The following KDM4C variants were observed in gnomAD, a reference collection of about 807,000 sequenced individuals.
KDM4C encodes lysine-specific demethylase 4C.
KDM4C carries 81 observed loss-of-function variants against 129.3 expected under a neutral mutation model. The observed-to-expected ratio is 0.63, with a 90% CI of 0.52 to 0.75. KDM4C has a LOEUF of 0.75. KDM4C is among the 30% of genes least tolerant of loss of function. The pLI is 0.00. For missense variants in KDM4C, 1,457 were observed against 1,304.0 expected (o/e 1.12, Z -1.81); for synonymous variants, 573 against 456.1 (o/e 1.26, Z -3.26).
intron 17 of KDM4C, among the ~76,000 whole-genome samples, chr9:7,052,810 T>A (rs1452491405): frequency 6.8e-6 from 1 of 147,234 alleles, no homozygotes; most frequent in East Asian, 2.1e-4. Flanking sequence ...TATGTTGCTC[T>A]TAAACTACCA....
Position 6,849,610 on chromosome 9 carries a change from T to C in KDM4C, c.539T>C (p.Phe180Ser). ...IEGVNTPYLY[F>S]GMWKTTFAWH... ...GGTGTAAATACCCCATATCTCTATT[T>C]TGGCATGTGGAAGACCACGTTTGCA... The change falls in exon 5 of 22, where the codon TTT becomes TCT. Residue 180 changes from phenylalanine (F) to serine (S), a missense_variant. Physicochemically the swap from Phe to Ser is radical, Grantham distance 155. Transcript: ENST00000381309. 6.2e-7 allele frequency: 1 copy of C among 1,614,090 alleles called. No homozygotes were observed. Among genetic ancestry groups the C allele is most frequent in the Non-Finnish European group, 8.5e-7 (1 of 1,179,950 alleles).
In KDM4C at chr9:6,990,453, G is replaced by A. The variant is rs774865352; in HGVS notation, c.1715G>A (p.Arg572His). 2 of 1,613,100 alleles carry A rather than the reference G, an allele frequency of 1.2e-6. No homozygotes were observed. The highest frequency in any genetic ancestry group is 1.1e-5 in the South Asian group (1 of 91,034). Residue 572 changes from arginine to histidine, a missense_variant, in exon 12 of 22, where the codon CGC (arginine) becomes CAC (histidine). Arg to His is a conservative substitution (Grantham distance 29). Coordinates refer to ENST00000381309, the MANE Select transcript of KDM4C (RefSeq NM_015061.6). Reference sequence around the variant, plus strand: ...GAGAACAAAACCTCTAAGAGTTGGCGCCATCCACTTAGCAGGCCTCCAGCA... The same window carrying A: ...GAGAACAAAACCTCTAAGAGTTGGCACCATCCACTTAGCAGGCCTCCAGCA... ...EGENKTSKSW[R>H]HPLSRPPARS...
intron 17 of KDM4C, among the ~76,000 whole-genome samples, chr9:7,090,278 A>C (rs1315269446): frequency 1.3e-5 from 2 of 152,232 alleles, no homozygotes; most frequent in Non-Finnish European, 2.9e-5. Context: ...CATTTTTGAC[A>C]GTAGCTTGTA....
intron 17 of KDM4C, among the ~76,000 whole-genome samples, chr9:7,093,516 C>G (rs1170170530): frequency 6.6e-6 from 1 of 152,128 alleles, no homozygotes; most frequent in Non-Finnish European, 1.5e-5. Context: ...ATTCATGTAA[C>G]TTATAATCCA....
At chr9:6,730,484 G>A (rs1221395057) in intron 1 of KDM4C, among the ~76,000 whole-genome samples, 5 of 151,834 alleles carry the variant, frequency 3.3e-5, no homozygotes, top group African/African-American at 9.7e-5. Context: ...GCGTGGTGGC[G>A]GGCACCCCTA....
chr9:6,852,063 A>G (rs1162335341), intron 5 of KDM4C, among the ~76,000 whole-genome samples: 1 of 152,200 alleles, frequency 6.6e-6, no homozygotes, highest in African/African-American at 2.4e-5. Flanking sequence ...CACTGATTCT[A>G]CATACTATTT....
chr9:7,167,656 A>G lies in KDM4C; in HGVS notation c.2902-2142A>G, dbSNP rs748555148. On this transcript the variant is annotated intron_variant, in intron 20 of 21. Transcript: ENST00000381309. ...TTAGCTTATTCAAAATGCTAACAGT[A>G]CGTGGATAATAATACGTTCAATTGT... is the stretch of plus-strand genomic sequence containing the variant. Among the ~76,000 whole-genome samples the G allele has an allele frequency of 2.0e-5, 3 of 152,252 alleles. No individual in the cohort carries two copies. The South Asian group carries it at 6.2e-4, about 31-fold the overall frequency.
intron 17 of KDM4C, among the ~76,000 whole-genome samples, chr9:7,089,003 A>G (rs1195637988): frequency 6.6e-6 from 1 of 152,180 alleles, no homozygotes; most frequent in African/African-American, 2.4e-5. Flanking sequence ...CTTTTTAAAA[A>G]TTGAAGTGGT....
At chr9:7,002,048 A>G (rs1230878369) in intron 12 of KDM4C, among the ~76,000 whole-genome samples, 1 of 151,974 alleles carries the variant, frequency 6.6e-6, no homozygotes. Flanking sequence ...ACGTACCACC[A>G]CACCTGGCTA....
At chr9:6,966,864 ATCTT>A (rs967997867) in intron 8 of KDM4C, among the ~76,000 whole-genome samples, 6 of 152,328 alleles carry the variant, frequency 3.9e-5, no homozygotes, top group Non-Finnish European at 7.4e-5. Flanking sequence ...GGACAGAGCT[ATCTT>A]TATAACTTGA....
At chr9:6,791,083 C>T (rs1826498575) in intron 1 of KDM4C, among the ~76,000 whole-genome samples, 1 of 152,138 alleles carries the variant, frequency 6.6e-6, no homozygotes, top group Admixed American at 6.5e-5. Flanking sequence ...TAACTCTCCC[C>T]CTTTCTGGGA....
chr9:6,827,534 C>T (rs1342809098), intron 4 of KDM4C, among the ~76,000 whole-genome samples: 4 of 152,248 alleles, frequency 2.6e-5, no homozygotes, highest in Admixed American at 1.3e-4. Context: ...TAAATACCTT[C>T]ATCCAGCAGA....
chr9:7,063,509 C>G (rs1369961587), intron 17 of KDM4C, among the ~76,000 whole-genome samples: 2 of 152,144 alleles, frequency 1.3e-5, no homozygotes. Flanking sequence ...TGGTCTCTCA[C>G]TTGTTTATTC....
At position 6,780,708 on chromosome 9, in the gene KDM4C, C is replaced by G. The variant is rs1434059581; in HGVS notation, c.-17-12264C>G. ...GCTTGAACCAGGGAGGTAGAGGTTG[C>G]AGTGAGCCGAGATTCCGCCATTGTA... On this transcript the variant is annotated intron_variant, in intron 1 of 21. Coordinates refer to ENST00000381309, the MANE Select transcript of KDM4C (RefSeq NM_015061.6). Among the ~76,000 whole-genome samples, 12 of 124,210 alleles carry G rather than the reference C, an allele frequency of 9.7e-5. No individual in the cohort carries two copies. In the Admixed American group the frequency reaches 1.3e-3, roughly 13 times the overall value. 81.5% of individuals were successfully genotyped at this position (124,210 alleles called of 152,430 possible).
intron 18 of KDM4C, among the ~76,000 whole-genome samples, chr9:7,105,226 A>G (rs974775421): frequency 1.3e-5 from 2 of 152,220 alleles, no homozygotes; most frequent in Admixed American, 1.3e-4. Flanking sequence ...TAGAGGATGT[A>G]TATGAATGCG....
At chr9:7,061,548 G>C (rs1262000912) in intron 17 of KDM4C, among the ~76,000 whole-genome samples, 1 of 104,840 alleles carries the variant, frequency 9.5e-6, no homozygotes, top group Non-Finnish European at 2.4e-5. Context: ...CATTTTATTG[G>C]GAAGAGATAC....
rs573729455 is a variant in KDM4C at position 6,786,305 on chromosome 9, T to G, written c.-17-6667T>G. On this transcript the variant is annotated intron_variant, in intron 1 of 21. Transcript: ENST00000381309. The stretch of plus-strand genomic sequence containing the variant: ...GTCCTTTATCATAATGTAAAAATTT[T>G]CAGAAACAAACATGGGTTGTTATAT... 3.9e-5 allele frequency among the ~76,000 whole-genome samples: 6 copies of G among 152,338 alleles called. No individual in the cohort carries two copies. In the East Asian group the frequency reaches 1.2e-3, roughly 29 times the overall value.
chr9:6,998,965 G>A (rs532445079), intron 12 of KDM4C, among the ~76,000 whole-genome samples: 3 of 152,210 alleles, frequency 2.0e-5, no homozygotes, highest in South Asian at 4.1e-4. Context: ...GGGATTTCCC[G>A]TGGTATTTTC....
rs373502990 is a variant in KDM4C, at chr9:6,720,959, A to G, written c.11A>G (p.Tyr4Cys). The change falls in exon 1 of 18, where the codon TAT (tyrosine) becomes TGT (cysteine). Residue 4 changes from tyrosine to cysteine, a missense_variant. Transcript: ENST00000536108. ...GCTAAAGGATGTTTGATGAAGCACTATGGGCTGCCCTGGAAGAGGACTGAA... is the reference window on the plus strand; with the variant it reads ...GCTAAAGGATGTTTGATGAAGCACTGTGGGCTGCCCTGGAAGAGGACTGAA... The G allele has an allele frequency of 3.2e-6, 5 of 1,551,502 alleles. No homozygotes were observed. Among genetic ancestry groups the G allele is most frequent in the African/African-American group, 1.4e-5 (1 of 73,060 alleles).
Sources: allele counts gnomAD v4.1 joint callset (sites outside exome capture counted in the v4.1 genomes callset), GRCh38; gene constraint gnomAD v4.1.1; transcripts MANE v1.5; gene names NCBI Gene and HGNC (gene_info 2026-07-23, HGNC 2026-07-21).